ERI3: variants seen among roughly 807,000 people sequenced by gnomAD.
ERI3 encodes the protein ERI1 exoribonuclease family member 3.
In ERI3, 18 loss-of-function variants were observed where a neutral mutation model predicts 44.4. The ratio of observed to expected loss-of-function variants is 0.41; its 90% CI spans 0.28 to 0.60. ERI3 has a LOEUF of 0.60. ERI3 is among the 20% of genes least tolerant of loss of function. The pLI is 0.36. For synonymous variants in ERI3, 183 were observed against 164.8 expected (o/e 1.11, Z -0.84); for missense variants, 294 against 435.5 (o/e 0.68, Z 2.89).
chr1:44,275,430 G>A (rs967232120), intron 7 of ERI3, among the ~76,000 whole-genome samples: 3 of 152,174 alleles, frequency 2.0e-5, no homozygotes. Flanking sequence ...CATTAAGGCC[G>A]AGAATTTATT....
rs551011981 is a variant in ERI3 at position 44,222,765 on chromosome 1, C to G, written c.932-1125G>C. Among the ~76,000 whole-genome samples the G allele has an allele frequency of 3.9e-5, 6 of 152,314 alleles. No homozygotes were observed. In the South Asian group the frequency reaches 1.2e-3, roughly 32 times the overall value. The stretch of plus-strand genomic sequence containing the variant: ...CCCACCTCCCTTAGATGCTCCTGGG[C>G]CATAACCAGGGCCTCAGCCACCACC... On this transcript the variant is annotated intron_variant, in intron 8 of 8. Transcript: ENST00000372257.
At chr1:44,271,565 C>A (rs923778315) in intron 7 of ERI3, among the ~76,000 whole-genome samples, 1 of 150,542 alleles carries the variant, frequency 6.6e-6, no homozygotes, top group East Asian at 1.9e-4. Flanking sequence ...AGCTGATGAA[C>A]CTCTCTGCCC....
intron 1 of ERI3, chr1:44,353,810 T>A (rs987007266): frequency 2.0e-6 from 2 of 985,306 alleles, no homozygotes; most frequent in African/African-American, 1.7e-5. Context: ...GCCAAAGTGC[T>A]CTGAGCTCCA....
chr1:44,250,959 T>A (rs745645050), intron 7 of ERI3, among the ~76,000 whole-genome samples: 12 of 152,284 alleles, frequency 7.9e-5, no homozygotes, highest in Non-Finnish European at 1.6e-4. Context: ...TACTGACACA[T>A]GCACCTGCAG....
At chr1:44,240,159 G>A (rs561795365) in intron 8 of ERI3, among the ~76,000 whole-genome samples, 9 of 152,324 alleles carry the variant, frequency 5.9e-5, no homozygotes, top group East Asian at 1.9e-4. Context: ...CCTAGAGGCC[G>A]TGTGCTGGGA....
chr1:44,222,578 G>C (rs776653920), intron 8 of ERI3, among the ~76,000 whole-genome samples: 1 of 152,172 alleles, frequency 6.6e-6, no homozygotes, highest in Admixed American at 6.5e-5. Flanking sequence ...CATGGGCCAG[G>C]ATTTGTTTCA....
At chr1:44,280,375 T>C (rs1249725986) in intron 7 of ERI3, among the ~76,000 whole-genome samples, 2 of 152,220 alleles carry the variant, frequency 1.3e-5, no homozygotes, top group East Asian at 1.9e-4. Flanking sequence ...CCCATTTCTC[T>C]ACATTTCCAC....
intron 3 of ERI3, among the ~76,000 whole-genome samples, chr1:44,320,507 G>A (rs573383808): frequency 6.6e-6 from 1 of 152,252 alleles, no homozygotes; most frequent in Non-Finnish European, 1.5e-5. Context: ...CAGAACGCTG[G>A]CTGTGCAGCA....
At chr1:44,293,168 G>A (rs950476870) in intron 6 of ERI3, among the ~76,000 whole-genome samples, 4 of 152,238 alleles carry the variant, frequency 2.6e-5, no homozygotes, top group Non-Finnish European at 4.4e-5. Context: ...ATGTCATGGC[G>A]GAGCTGAGAA....
At chr1:44,238,656 C>T (rs2154317108) in intron 8 of ERI3, among the ~76,000 whole-genome samples, 1 of 152,218 alleles carries the variant, frequency 6.6e-6, no homozygotes, top group Admixed American at 6.5e-5. Context: ...GGAAGGATGC[C>T]TGAGAGCCTC....
chr1:44,253,957 T>C (rs1644732496), intron 7 of ERI3, among the ~76,000 whole-genome samples: 1 of 152,208 alleles, frequency 6.6e-6, no homozygotes, highest in Admixed American at 6.5e-5. Context: ...TGAGGGATAA[T>C]ACAATATTTG....
intron 3 of ERI3, among the ~76,000 whole-genome samples, chr1:44,327,190 C>T (rs1210734256): frequency 6.6e-6 from 1 of 152,148 alleles, no homozygotes; most frequent in East Asian, 1.9e-4. Flanking sequence ...AGGTTATGTG[C>T]TAGAGAGGTC....
intron 7 of ERI3, among the ~76,000 whole-genome samples, chr1:44,271,112 G>C (rs962870458): frequency 6.6e-6 from 1 of 152,160 alleles, no homozygotes; most frequent in African/African-American, 2.4e-5. Flanking sequence ...AAACGTGGCA[G>C]TTTTCTGGAG....
At chr1:44,272,130 G>C (rs138223576) in intron 7 of ERI3, among the ~76,000 whole-genome samples, 2 of 152,148 alleles carry the variant, frequency 1.3e-5, no homozygotes, top group East Asian at 1.9e-4. Context: ...TTATCCTCAG[G>C]TCAACTCTAG....
chr1:44,258,133 A>C (rs940158510), intron 7 of ERI3, among the ~76,000 whole-genome samples: 21 of 152,224 alleles, frequency 1.4e-4, no homozygotes, highest in Admixed American at 1.1e-3. Flanking sequence ...TGAACCTGGC[A>C]TGTAACTAGT....
intron 8 of ERI3, among the ~76,000 whole-genome samples, chr1:44,233,075 C>A (rs988671493): frequency 6.6e-6 from 1 of 152,142 alleles, no homozygotes; most frequent in African/African-American, 2.4e-5. Flanking sequence ...CCACCTGGAG[C>A]GTATGACTAG....
rs542801015 is a variant in ERI3 at position 44,237,637 on chromosome 1, C to A, written c.931+10302G>T. Among the ~76,000 whole-genome samples the A allele has an allele frequency of 1.9e-4, 29 of 152,324 alleles. No individual in the cohort carries two copies. The South Asian group carries it at 5.6e-3, about 29-fold the overall frequency. ...CTCCCTCTGTGGGCATTTCCCCAGG[C>A]ACCCTAGCTCTCTAGAACAATCCTA... is the stretch of plus-strand genomic sequence containing the variant. On this transcript the variant is annotated intron_variant, in intron 8 of 8. Transcript: ENST00000372257.
chr1:44,297,807 A>G (rs899766337), intron 6 of ERI3, among the ~76,000 whole-genome samples: 9 of 152,264 alleles, frequency 5.9e-5, no homozygotes, highest in South Asian at 2.1e-4. Flanking sequence ...ACAGGCATGG[A>G]AAGTTGGAGA....
chr1:44,282,073 C>T (rs1225733011), intron 7 of ERI3, among the ~76,000 whole-genome samples: 2 of 152,064 alleles, frequency 1.3e-5, no homozygotes, highest in Non-Finnish European at 2.9e-5. Context: ...CGGGCCTGCT[C>T]CACTCTGCTA....
Sources: gnomAD v4.1 joint callset for allele counts (sites outside exome capture counted in the v4.1 genomes callset) on GRCh38, gnomAD v4.1.1 for gene constraint, MANE v1.5 for transcripts, NCBI Gene and HGNC (gene_info 2026-07-23, HGNC 2026-07-21) for gene names.